PRKCH: variants seen among roughly 807,000 people sequenced by gnomAD.
PRKCH encodes protein kinase C eta, also known as protein kinase C eta type.
In PRKCH, 28 loss-of-function variants were observed where a neutral mutation model predicts 82.5. The observed-to-expected ratio is 0.34, with a 90% CI of 0.25 to 0.47. The LOEUF is 0.47. Among genes scored for constraint, PRKCH ranks in the 20% least tolerant of loss-of-function variants. PRKCH has a pLI of 1.00. For missense variants in PRKCH, 705 were observed against 881.8 expected (o/e 0.80, Z 2.54); for synonymous variants, 322 against 327.4 (o/e 0.98, Z 0.18).
At chr14:61,427,457 C>G (rs1449705441) in intron 2 of PRKCH, among the ~76,000 whole-genome samples, 1 of 152,110 alleles carries the variant, frequency 6.6e-6, no homozygotes, top group Admixed American at 6.5e-5. Flanking sequence ...GAGGAAAGAT[C>G]TAGTTATGTT....
chr14:61,259,460 C>G (rs1299520474), intron 1 of PRKCH, among the ~76,000 whole-genome samples: 1 of 152,182 alleles, frequency 6.6e-6, no homozygotes, highest in East Asian at 1.9e-4. Flanking sequence ...GTGGAAGAGA[C>G]AGATTCTCAA....
At chr14:61,503,144 A>G (rs1273583620) in intron 10 of PRKCH, among the ~76,000 whole-genome samples, 29 of 151,754 alleles carry the variant, frequency 1.9e-4, no homozygotes, top group Admixed American at 1.8e-3. Context: ...GGGGCTGTCC[A>G]TTTTATTGCT....
intron 1 of PRKCH, among the ~76,000 whole-genome samples, chr14:61,231,308 TAGAAC>T (rs918945059): frequency 8.6e-5 from 13 of 151,976 alleles, no homozygotes; most frequent in African/African-American, 3.1e-4. Context: ...ACAAAGTGCT[TAGAAC>T]AGTGCTTGGT....
At chr14:61,394,644 C>T (rs1444743462) in intron 2 of PRKCH, among the ~76,000 whole-genome samples, 1 of 152,208 alleles carries the variant, frequency 6.6e-6, no homozygotes, top group Non-Finnish European at 1.5e-5. Context: ...GCCATGCCAA[C>T]TCTCTAGGAC....
chr14:61,286,749 C>G (rs74899760), intron 1 of PRKCH, among the ~76,000 whole-genome samples: 2,662 of 152,028 alleles, frequency 0.018, 84 homozygotes, highest in African/African-American at 0.061. Context: ...GCACTCCAAC[C>G]TGGGCGACAA....
chr14:61,336,991 C>G (rs1201167872), intron 1 of PRKCH, among the ~76,000 whole-genome samples: 1 of 147,692 alleles, frequency 6.8e-6, no homozygotes. Context: ...ATTGCTTGAA[C>G]CCAGGAGGCG....
intron 1 of PRKCH, among the ~76,000 whole-genome samples, chr14:61,385,115 G>A (rs1324935439): frequency 6.6e-6 from 1 of 151,382 alleles, no homozygotes; most frequent in African/African-American, 2.5e-5. Flanking sequence ...AGGGGAGGGG[G>A]TTAGTGTGTT....
At chr14:61,360,435 G>A (rs544192059) in intron 1 of PRKCH, among the ~76,000 whole-genome samples, 1 of 152,230 alleles carries the variant, frequency 6.6e-6, no homozygotes, top group Non-Finnish European at 1.5e-5. Context: ...AACATGGGAG[G>A]CGGAGGTTGC....
At chr14:61,367,898 TAG>T (rs1443111195) in intron 1 of PRKCH, among the ~76,000 whole-genome samples, 2 of 151,844 alleles carry the variant, frequency 1.3e-5, no homozygotes, top group African/African-American at 4.9e-5. Flanking sequence ...GTATTTTTAG[TAG>T]AGACGGGGTT....
chr14:61,244,151 G>A (rs574279206), intron 1 of PRKCH, among the ~76,000 whole-genome samples: 3 of 152,214 alleles, frequency 2.0e-5, no homozygotes, highest in African/African-American at 7.2e-5. Context: ...GCATGAGACC[G>A]CCACATGAGC....
intron 1 of PRKCH, among the ~76,000 whole-genome samples, chr14:61,239,858 T>C (rs2044820844): frequency 1.3e-5 from 2 of 152,226 alleles, no homozygotes; most frequent in South Asian, 4.1e-4. Context: ...CTCACTGAAG[T>C]CTGCACTGGG....
intron 10 of PRKCH, among the ~76,000 whole-genome samples, chr14:61,501,743 TA>T (rs2139951802): frequency 6.6e-6 from 1 of 152,288 alleles, no homozygotes; most frequent in South Asian, 2.1e-4. Context: ...AATTTAATTT[TA>T]AAATGTAAAT....
intron 1 of PRKCH, among the ~76,000 whole-genome samples, chr14:61,309,412 G>C (rs1259004090): frequency 6.6e-6 from 1 of 152,232 alleles, no homozygotes; most frequent in Non-Finnish European, 1.5e-5. Context: ...AGGCAGGAAG[G>C]ATAAAGCAAA....
chr14:61,411,381 A>C (rs1254893495), intron 2 of PRKCH, among the ~76,000 whole-genome samples: 1 of 152,208 alleles, frequency 6.6e-6, no homozygotes, highest in Non-Finnish European at 1.5e-5. Flanking sequence ...ATTAGGCCTT[A>C]AACTGATGGG....
rs780356530 is a variant in PRKCH, at chr14:61,450,946, A to G, written c.807A>G (p.Ile269Met). The G allele has an allele frequency of 6.2e-7, 1 of 1,614,084 alleles. No individual in the cohort carries two copies. The highest frequency in any genetic ancestry group is 1.1e-5 in the South Asian group (1 of 91,056). ...CDHCGSLLWG[I>M]MRQGLQCKIC... ...ACTGTGGCTCACTGCTCTGGGGAAT[A>G]ATGCGACAAGGACTTCAGTGTAAAA... Residue 269 changes from isoleucine (I) to methionine (M), a missense_variant, in exon 6 of 14, where the codon ATA becomes ATG. By Grantham distance (10) the Ile-to-Met change is conservative. Transcript: ENST00000332981.
chr14:61,199,982 C>T (rs1048643352), intron 1 of PRKCH, among the ~76,000 whole-genome samples: 9 of 152,172 alleles, frequency 5.9e-5, no homozygotes, highest in Non-Finnish European at 1.2e-4. Context: ...AATATTCCTT[C>T]CTCTTACCCT....
chr14:61,249,513 G>A, intron 1 of PRKCH, among the ~76,000 whole-genome samples: 1 of 107,440 alleles, frequency 9.3e-6, no homozygotes, highest in Admixed American at 1.2e-4. Context: ...TTTGTAACGC[G>A]AAGCTTTCCA....
At chr14:61,479,476 A>G (rs1025070396) in intron 9 of PRKCH, among the ~76,000 whole-genome samples, 1 of 152,118 alleles carries the variant, frequency 6.6e-6, no homozygotes, top group African/African-American at 2.4e-5. Flanking sequence ...TGTTTGCCCC[A>G]GTGACCTTAC....
At chr14:61,215,872 T>C (rs2044612488) in intron 1 of PRKCH, among the ~76,000 whole-genome samples, 1 of 152,208 alleles carries the variant, frequency 6.6e-6, no homozygotes, top group South Asian at 2.1e-4. Flanking sequence ...CTGTATCCAA[T>C]TTTGTGTAAT....
Sources: allele counts gnomAD v4.1 joint callset (sites outside exome capture counted in the v4.1 genomes callset), GRCh38; gene constraint gnomAD v4.1.1; transcripts MANE v1.5; gene names NCBI Gene and HGNC (gene_info 2026-07-23, HGNC 2026-07-21).